The following LYPLAL1 variants were observed in gnomAD, a reference collection of about 807,000 sequenced individuals.
The protein encoded by LYPLAL1 is lysophospholipase like 1.
A neutral mutation model predicts 19.7 loss-of-function variants in LYPLAL1; 23 were observed. The observed-to-expected ratio is 1.17, with a 90% CI of 0.84 to 1.65. The LOEUF is 1.65. LYPLAL1 is among the 40% of genes most tolerant of loss of function. The pLI is 0.00. For missense variants in LYPLAL1, 355 were observed against 279.4 expected (o/e 1.27, Z -1.93); for synonymous variants, 119 against 96.3 (o/e 1.24, Z -1.38).
chr1:219,327,463 C>G, the LYPLAL1 span, among the ~76,000 whole-genome samples: 1 of 152,100 alleles, frequency 6.6e-6, no homozygotes, highest in Non-Finnish European at 1.5e-5. Flanking sequence ...GGGGGAGCAG[C>G]TCAGAACATC....
At chr1:219,175,908 C>A (rs1274760776) in intron 1 of LYPLAL1, among the ~76,000 whole-genome samples, 1 of 152,154 alleles carries the variant, frequency 6.6e-6, no homozygotes, top group Non-Finnish European at 1.5e-5. Context: ...TTTTGCCATA[C>A]TGTTAACCAG....
Position 219,195,848 on chromosome 1 carries a change from C to T in LYPLAL1, c.361+2597C>T, listed in dbSNP as rs551597644. Among the ~76,000 whole-genome samples the T allele has an allele frequency of 7.2e-5, 11 of 152,124 alleles. No individual in the cohort carries two copies. In the South Asian group the frequency reaches 1.2e-3, roughly 17 times the overall value. On this transcript the variant is annotated intron_variant, in intron 3 of 4. Coordinates refer to ENST00000366928, the MANE Select transcript of LYPLAL1 (RefSeq NM_138794.5). The stretch of plus-strand genomic sequence containing the variant: ...TTTATCCTGATGCTCTCCCTCTCAC[C>T]GCCTCCCTGACAGGCCCCAGTGTGT...
At chr1:219,435,821 G>A in the LYPLAL1 span, among the ~76,000 whole-genome samples, 68 of 151,736 alleles carry the variant, frequency 4.5e-4, 1 homozygote, top group South Asian at 1.3e-3. Flanking sequence ...GTGAGATTCC[G>A]TCCCAAAAAT....
the LYPLAL1 span, among the ~76,000 whole-genome samples, chr1:219,257,738 C>T: frequency 6.6e-6 from 1 of 151,978 alleles, no homozygotes; most frequent in Non-Finnish European, 1.5e-5. Context: ...TTCAGCTGTG[C>T]ACATATTGTC....
chr1:219,283,313 G>A, the LYPLAL1 span, among the ~76,000 whole-genome samples: 1 of 152,118 alleles, frequency 6.6e-6, no homozygotes, highest in African/African-American at 2.4e-5. Context: ...TTTATTGAGA[G>A]GTACTGTTTG....
the LYPLAL1 span, among the ~76,000 whole-genome samples, chr1:219,373,361 T>C: frequency 2.5e-4 from 38 of 152,260 alleles, no homozygotes; most frequent in African/African-American, 8.7e-4. Flanking sequence ...CGGGGCTCAG[T>C]TTCACATCAT....
At chr1:219,417,624 T>G in the LYPLAL1 span, among the ~76,000 whole-genome samples, 1 of 152,240 alleles carries the variant, frequency 6.6e-6, no homozygotes, top group African/African-American at 2.4e-5. Context: ...ATCAGTTCAA[T>G]CTCAGTTATT....
the LYPLAL1 span, among the ~76,000 whole-genome samples, chr1:219,285,442 A>T: frequency 2.0e-5 from 3 of 152,218 alleles, no homozygotes; most frequent in Non-Finnish European, 4.4e-5. Flanking sequence ...AATATCTAAC[A>T]CATATTCACA....
chr1:219,285,111 G>C, the LYPLAL1 span, among the ~76,000 whole-genome samples: 3 of 152,174 alleles, frequency 2.0e-5, no homozygotes, highest in East Asian at 5.8e-4. Flanking sequence ...AAAATTAGTG[G>C]AAAATTATTT....
chr1:219,254,987 G>T, the LYPLAL1 span, among the ~76,000 whole-genome samples: 1 of 151,436 alleles, frequency 6.6e-6, no homozygotes, highest in African/African-American at 2.4e-5. Context: ...ATTTATTTTT[G>T]TCTGACTATC....
At chr1:219,270,287 TGAAA>T in the LYPLAL1 span, among the ~76,000 whole-genome samples, 3 of 152,174 alleles carry the variant, frequency 2.0e-5, no homozygotes, top group Non-Finnish European at 4.4e-5. Context: ...GTTTAATAGG[TGAAA>T]GAAAGAGAAG....
intron 3 of LYPLAL1, 70 bp downstream of exon 3, chr1:219,193,321 T>G (rs1657351747): frequency 7.9e-7 from 1 of 1,265,252 alleles, no homozygotes; most frequent in Non-Finnish European, 1.1e-6. Flanking sequence ...AAATCTTACT[T>G]GGAACATTAT....
At chr1:219,369,350 C>A in the LYPLAL1 span, among the ~76,000 whole-genome samples, 2 of 152,258 alleles carry the variant, frequency 1.3e-5, no homozygotes, top group Admixed American at 1.3e-4. Context: ...TGGCTCACTG[C>A]AACCTCCACC....
At chr1:219,222,605 C>G in the LYPLAL1 span, 2 of 152,146 alleles carry the variant, frequency 1.3e-5, no homozygotes, top group East Asian at 3.9e-4. Flanking sequence ...ACACCACCCC[C>G]CTCATCTTCC....
At chr1:219,436,692 A>C in the LYPLAL1 span, among the ~76,000 whole-genome samples, 22 of 152,316 alleles carry the variant, frequency 1.4e-4, no homozygotes, top group African/African-American at 5.3e-4. Context: ...ACCATTTCAT[A>C]ATAAACATGT....
At chr1:219,267,684 G>A in the LYPLAL1 span, among the ~76,000 whole-genome samples, 1 of 152,146 alleles carries the variant, frequency 6.6e-6, no homozygotes, top group Non-Finnish European at 1.5e-5. Context: ...TTTTACAGAT[G>A]AGAAAACAGG....
the LYPLAL1 span, among the ~76,000 whole-genome samples, chr1:219,376,225 AT>A: frequency 3.4e-5 from 5 of 146,562 alleles, no homozygotes; most frequent in Non-Finnish European, 7.4e-5. Context: ...AGACCACTTA[AT>A]GGGGAAAAAA....
At chr1:219,374,707 T>G in the LYPLAL1 span, among the ~76,000 whole-genome samples, 1 of 151,950 alleles carries the variant, frequency 6.6e-6, no homozygotes, top group Non-Finnish European at 1.5e-5. Flanking sequence ...TCTTAAGGAT[T>G]TTGTTTAAGG....
At chr1:219,378,462 G>A in the LYPLAL1 span, among the ~76,000 whole-genome samples, 2 of 152,112 alleles carry the variant, frequency 1.3e-5, no homozygotes, top group Non-Finnish European at 2.9e-5. Context: ...ACGACACATG[G>A]GGATTATGGG....
Sources: allele counts gnomAD v4.1 joint callset (sites outside exome capture counted in the v4.1 genomes callset), GRCh38; gene constraint gnomAD v4.1.1; transcripts MANE v1.5; gene names NCBI Gene and HGNC (gene_info 2026-07-23, HGNC 2026-07-21).